The following WDR41 variants were observed in gnomAD, a reference collection of about 807,000 sequenced individuals.
WDR41 encodes the protein WD repeat domain 41, also known as WD repeat-containing protein 41.
WDR41 carries 63 observed loss-of-function variants against 69.3 expected under a neutral mutation model. The observed-to-expected ratio is 0.91, with a 90% CI of 0.74 to 1.12. The LOEUF (loss-of-function observed/expected upper bound fraction) is 1.12, where lower values mean the gene tolerates loss of function less well. WDR41 is among the 50% of genes most tolerant of loss of function. WDR41 has a pLI of 0.00. For missense variants in WDR41, 543 were observed against 534.5 expected (o/e 1.02, Z -0.16); for synonymous variants, 185 against 192.1 (o/e 0.96, Z 0.31).
intron 1 of WDR41, among the ~76,000 whole-genome samples, chr5:77,549,828 T>C (rs780596574): frequency 1.3e-5 from 2 of 152,146 alleles, no homozygotes; most frequent in Admixed American, 6.5e-5. Context: ...GGCATCACAT[T>C]ACCCAACTTC....
intron 8 of WDR41, among the ~76,000 whole-genome samples, chr5:77,441,347 A>G (rs981526524): frequency 1.3e-5 from 2 of 152,208 alleles, no homozygotes; most frequent in Non-Finnish European, 2.9e-5. Flanking sequence ...TAGTTAAAGG[A>G]TGGAAGAAGA....
intron 8 of WDR41, among the ~76,000 whole-genome samples, chr5:77,441,738 A>AG (rs1322621142): frequency 1.5e-5 from 2 of 130,254 alleles, no homozygotes; most frequent in African/African-American, 7.5e-5. Flanking sequence ...ACTCAGTCTA[A>AG]AACACACACA....
intron 1 of WDR41, among the ~76,000 whole-genome samples, chr5:77,512,391 T>TGTGC (rs1802221140): frequency 3.5e-5 from 5 of 142,402 alleles, no homozygotes; most frequent in Non-Finnish European, 6.2e-5. Flanking sequence ...TGTGTGTGTG[T>TGTGC]GTGTGTGTGT....
At chr5:77,461,834 TA>T (rs547738918) in intron 4 of WDR41, among the ~76,000 whole-genome samples, 358 of 137,088 alleles carry the variant, frequency 2.6e-3, no homozygotes, top group Middle Eastern at 3.8e-3. Context: ...AGATTCTGTC[TA>T]AAAAAAAAAA....
At chr5:77,557,503 A>G (rs1743424083) in intron 1 of WDR41, among the ~76,000 whole-genome samples, 2 of 152,226 alleles carry the variant, frequency 1.3e-5, no homozygotes, top group Non-Finnish European at 2.9e-5. Context: ...AGATGCTCAC[A>G]GTAAGATGAC....
intron 8 of WDR41, among the ~76,000 whole-genome samples, chr5:77,446,156 G>C (rs1799372293): frequency 6.6e-6 from 1 of 152,198 alleles, no homozygotes; most frequent in South Asian, 2.1e-4. Context: ...GCAAAATCAT[G>C]AATGAACTCC....
intron 1 of WDR41, among the ~76,000 whole-genome samples, chr5:77,512,455 A>AAAT (rs1802222972): frequency 6.6e-6 from 1 of 151,602 alleles, no homozygotes; most frequent in African/African-American, 2.4e-5. Context: ...TTTGGACATA[A>AAAT]AATTCGTCAG....
Position 77,618,802 on chromosome 5 carries a change from T to C in WDR41, c.42+1677A>G, listed in dbSNP as rs1278232516. 2.6e-5 allele frequency among the ~76,000 whole-genome samples: 4 copies of C among 152,138 alleles called. No homozygotes were observed. The East Asian group carries it at 7.7e-4, about 29-fold the overall frequency. ...GAACATGTGAGGACCTGTCAAGCAA[T>C]AAAGGTTGAAGACTTGCTTTGTGGG... is the stretch of plus-strand genomic sequence containing the variant. On this transcript the variant is annotated intron_variant, in intron 1 of 5. Coordinates refer to the WDR41 transcript ENST00000509971.
intron 1 of WDR41, among the ~76,000 whole-genome samples, chr5:77,507,645 G>T (rs1234160046): frequency 6.6e-6 from 1 of 151,992 alleles, no homozygotes; most frequent in African/African-American, 2.4e-5. Context: ...GCAGTGTTAC[G>T]GCTGTAATAT....
intron 1 of WDR41, among the ~76,000 whole-genome samples, chr5:77,610,415 G>C (rs541710989): frequency 2.0e-5 from 3 of 152,154 alleles, no homozygotes; most frequent in Non-Finnish European, 4.4e-5. Context: ...GAAAGGTCGG[G>C]TTACCCACAA....
intron 1 of WDR41, among the ~76,000 whole-genome samples, chr5:77,586,294 T>TTATG (rs1554037814): frequency 6.8e-5 from 10 of 148,120 alleles, no homozygotes; most frequent in Non-Finnish European, 1.5e-4. Flanking sequence ...ATTTATTTAT[T>TTATG]TATTTATGTA....
intron 5 of WDR41, among the ~76,000 whole-genome samples, chr5:77,456,592 GGCTAGAACCTCCAGTACAATGTTAAACA>G (rs1383933449): frequency 2.0e-5 from 3 of 152,192 alleles, no homozygotes; most frequent in African/African-American, 7.2e-5. Context: ...CAACTGCCCT[GGCTAGAACCTCCAGTACAATGTTAAACA>G]GATGTGCTGA....
intron 1 of WDR41, among the ~76,000 whole-genome samples, chr5:77,576,861 TGA>T (rs1743845163): frequency 6.6e-6 from 1 of 152,190 alleles, no homozygotes; most frequent in Non-Finnish European, 1.5e-5. Context: ...GCCAGAAATT[TGA>T]GAGTCATATT....
upstream of WDR41, among the ~76,000 whole-genome samples, chr5:77,497,276 A>G (rs1278486884): frequency 3.3e-5 from 5 of 152,280 alleles, no homozygotes; most frequent in African/African-American, 7.2e-5. Context: ...AAGAACTTTC[A>G]TGCGTCAAAG....
At chr5:77,442,240 T>C (rs564145105) in intron 8 of WDR41, among the ~76,000 whole-genome samples, 6 of 152,320 alleles carry the variant, frequency 3.9e-5, no homozygotes, top group African/African-American at 1.4e-4. Context: ...CATACATATA[T>C]GTACAAATAC....
intron 1 of WDR41, among the ~76,000 whole-genome samples, chr5:77,517,060 G>T (rs552459725): frequency 4.9e-4 from 74 of 150,740 alleles, no homozygotes; most frequent in African/African-American, 1.6e-3. Flanking sequence ...TAAAATAAAA[G>T]AATGTTTTCC....
intron 2 of WDR41, among the ~76,000 whole-genome samples, chr5:77,488,641 G>A (rs1009143469): frequency 1.4e-4 from 22 of 152,120 alleles, no homozygotes; most frequent in East Asian, 9.7e-4. Context: ...GGATTAGGAC[G>A]GCATTCAATG....
chr5:77,587,010 G>GCA (rs1744053156), intron 1 of WDR41, among the ~76,000 whole-genome samples: 1 of 149,778 alleles, frequency 6.7e-6, no homozygotes, highest in Admixed American at 6.7e-5. Flanking sequence ...GAGCCACCAT[G>GCA]CCCGGCCCCC....
chr5:77,592,059 G>T (rs181759383), intron 1 of WDR41, among the ~76,000 whole-genome samples: 93 of 152,162 alleles, frequency 6.1e-4, no homozygotes, highest in African/African-American at 2.2e-3. Flanking sequence ...TTAAGAATAT[G>T]CAAATTTAGA....
Sources: allele counts gnomAD v4.1 joint callset (sites outside exome capture counted in the v4.1 genomes callset), GRCh38; gene constraint gnomAD v4.1.1; transcripts MANE v1.5; gene names NCBI Gene and HGNC (gene_info 2026-07-23, HGNC 2026-07-21).